The following FHAD1 variants were observed in gnomAD, a reference collection of about 807,000 sequenced individuals.
FHAD1 encodes the protein forkhead associated phosphopeptide binding domain 1.
Under a neutral mutation model 191.3 loss-of-function variants are expected in FHAD1, and 146 were observed. The ratio of observed to expected loss-of-function variants is 0.76; its 90% CI spans 0.67 to 0.88. The LOEUF is 0.88. Among genes scored for constraint, FHAD1 ranks in the 40% least tolerant of loss-of-function variants. FHAD1 has a pLI of 0.00. For synonymous variants in FHAD1, 616 were observed against 672.3 expected (o/e 0.92, Z 1.29); for missense variants, 1,635 against 1,785.8 (o/e 0.92, Z 1.52).
At chr1:15,302,282 C>A (rs1011869344) in intron 6 of FHAD1, among the ~76,000 whole-genome samples, 3 of 152,164 alleles carry the variant, frequency 2.0e-5, no homozygotes, top group African/African-American at 7.2e-5. Flanking sequence ...AACACAGAGG[C>A]CTTTACCAAA....
intron 19 of FHAD1, among the ~76,000 whole-genome samples, chr1:15,350,273 C>G (rs1314706322): frequency 1.3e-5 from 2 of 152,254 alleles, no homozygotes; most frequent in Non-Finnish European, 2.9e-5. Flanking sequence ...AGACAGACAG[C>G]CTGCGGAAGC....
intron 31 of FHAD1, among the ~76,000 whole-genome samples, chr1:15,384,978 C>T (rs1701769536): frequency 6.6e-6 from 1 of 152,130 alleles, no homozygotes; most frequent in African/African-American, 2.4e-5. Flanking sequence ...CCAGCCCATC[C>T]ACTCATCCCC....
intron 11 of FHAD1, chr1:15,326,305 C>G (rs546431358): frequency 2.6e-5 from 4 of 152,302 alleles, no homozygotes; most frequent in Admixed American, 2.6e-4. Context: ...CAGAGAAAGT[C>G]GGGCTCCTTT....
Position 15,272,608 on chromosome 1 carries a change from C to G in FHAD1, c.300+79C>G. ...GCGCTCGGATGCAGCTGCAGGGTGG[C>G]GCTTATCCACATTGGTGCCACTGTG... On this transcript the variant is annotated intron_variant, in intron 3 of 33. Coordinates refer to ENST00000688493, the MANE Select transcript of FHAD1 (RefSeq NM_001391957.1). 2.3e-6 allele frequency: 3 copies of G among 1,300,990 alleles called. 1 individual carries two copies. Among genetic ancestry groups the G allele is most frequent in the Non-Finnish European group, 3.2e-6 (3 of 939,410 alleles). 80.6% of individuals were successfully genotyped at this position (1,300,990 alleles called of 1,614,324 possible).
Position 15,349,058 on chromosome 1 carries a change from T to C in FHAD1, c.2363T>C (p.Ile788Thr), listed in dbSNP as rs567384167. 6.4e-7 allele frequency: 1 copy of C among 1,550,822 alleles called. No individual in the cohort carries two copies. Among genetic ancestry groups the C allele is most frequent in the South Asian group, 1.2e-5 (1 of 83,986 alleles). ...ARQKEVLESS[I>T]AHEKRKAKEA... is the part of the protein sequence containing the mutation. The stretch of plus-strand genomic sequence containing the variant: ...GATTTTCAGGTTTTGGAGAGCAGCA[T>C]AGCCCATGAAAAAAGAAAAGCAAAG... Residue 788 changes from isoleucine (I) to threonine (T), a missense_variant, in exon 19 of 34, where the codon ATA (isoleucine) becomes ACA (threonine). By Grantham distance (89) the Ile-to-Thr change is moderately conservative. Transcript: ENST00000688493.
chr1:15,378,181 G>A (rs776376154), intron 28 of FHAD1, among the ~76,000 whole-genome samples: 2 of 152,128 alleles, frequency 1.3e-5, no homozygotes, highest in African/African-American at 2.4e-5. Context: ...GTGCACATCC[G>A]TGCTCAGGCA....
chr1:15,323,549 C>G (rs983295232), intron 10 of FHAD1, among the ~76,000 whole-genome samples: 2 of 152,188 alleles, frequency 1.3e-5, no homozygotes, highest in Non-Finnish European at 2.9e-5. Flanking sequence ...ATCTGTGTGA[C>G]CCCTCTCTAG....
At chr1:15,251,965 T>G in intron 2 of FHAD1, 88 bp downstream of exon 2, 1 of 1,085,060 alleles carries the variant, frequency 9.2e-7, no homozygotes, top group Non-Finnish European at 1.3e-6. Context: ...TGGACTCCAG[T>G]CTCTTGTACA....
At chr1:15,386,669 G>T (rs1286916738) in intron 31 of FHAD1, among the ~76,000 whole-genome samples, 1 of 152,174 alleles carries the variant, frequency 6.6e-6, no homozygotes. Context: ...GGTCTCAGCT[G>T]GGCTGGAGCC....
intron 25 of FHAD1, among the ~76,000 whole-genome samples, chr1:15,368,380 A>G (rs1471531764): frequency 6.6e-6 from 1 of 152,332 alleles, no homozygotes; most frequent in East Asian, 1.9e-4. Flanking sequence ...ATATTTATTT[A>G]ACAAATGAAT....
intron 10 of FHAD1, among the ~76,000 whole-genome samples, chr1:15,321,939 C>T (rs1462349446): frequency 6.6e-6 from 1 of 152,262 alleles, no homozygotes; most frequent in Non-Finnish European, 1.5e-5. Context: ...CAGCACATTA[C>T]AGATGACAGT....
At chr1:15,288,746 C>T (rs1210255528) in intron 3 of FHAD1, among the ~76,000 whole-genome samples, 1 of 152,226 alleles carries the variant, frequency 6.6e-6, no homozygotes, top group Non-Finnish European at 1.5e-5. Context: ...AATACCACGT[C>T]TGTGGGTGTT....
At chr1:15,358,622 C>G (rs535739989) in intron 21 of FHAD1, among the ~76,000 whole-genome samples, 8 of 152,300 alleles carry the variant, frequency 5.3e-5, no homozygotes, top group Non-Finnish European at 7.3e-5. Context: ...GCACGGTGTT[C>G]TGAGATGTTG....
chr1:15,347,855 C>T (rs1016264536), intron 18 of FHAD1, among the ~76,000 whole-genome samples: 1 of 152,192 alleles, frequency 6.6e-6, no homozygotes, highest in African/African-American at 2.4e-5. Context: ...AGTTAATCCC[C>T]ATTATCTGTT....
intron 18 of FHAD1, among the ~76,000 whole-genome samples, chr1:15,347,631 T>C (rs74827404): frequency 0.041 from 6,250 of 152,302 alleles, 380 homozygotes; most frequent in African/African-American, 0.14. Context: ...GTATTTCTAG[T>C]ACAGACGGGG....
At chr1:15,345,212 A>G in intron 17 of FHAD1, 22 bp downstream of exon 17, 1 of 1,535,434 alleles carries the variant, frequency 6.5e-7, no homozygotes, top group Non-Finnish European at 8.8e-7. Flanking sequence ...AGGGAGACAG[A>G]GTCAGCTCGA....
Position 15,397,305 on chromosome 1 carries a change from C to G in FHAD1, c.4332C>G (p.Thr1444=). ...TCTCTTGCTTGTTAAAGGTTGGAAC[C>G]AGAAAAGCCTCCCTAAAGATGGACC... ...RMQNSNSQVG[T]RKASLKMDQE... Residue 1444 remains threonine (T), a synonymous_variant, in exon 34 of 34, where the codon ACC becomes ACG. Coordinates refer to ENST00000688493, the MANE Select transcript of FHAD1 (RefSeq NM_001391957.1). 6.6e-7 allele frequency: 1 copy of G among 1,521,598 alleles called. No individual in the cohort carries two copies. Among genetic ancestry groups the G allele is most frequent in the Non-Finnish European group, 8.9e-7 (1 of 1,126,996 alleles). The allele number at this position is 1,521,598 out of a possible 1,614,324, so 94.3% of individuals were successfully genotyped here. A position where few individuals can be genotyped will look rare whatever the true frequency, so the allele number is the denominator to read the frequency against.
intron 10 of FHAD1, among the ~76,000 whole-genome samples, chr1:15,319,055 G>C (rs7534349): frequency 0.45 from 68,791 of 151,458 alleles, 16,506 homozygotes; most frequent in African/African-American, 0.6. Context: ...GTCTTGAACT[G>C]CTGGCCTCAA....
In FHAD1 at chr1:15,357,620, C is replaced by T. The variant is rs191534519; in HGVS notation, c.2563-490C>T. 4.3e-3 allele frequency among the ~76,000 whole-genome samples: 539 copies of T among 125,504 alleles called. 5 individuals carry two copies. The highest frequency in any genetic ancestry group is 0.017 in the African/African-American group (522 of 30,148). 82.3% of individuals were successfully genotyped at this position (125,504 alleles called of 152,430 possible). On this transcript the variant is annotated intron_variant, in intron 20 of 33. Coordinates refer to ENST00000688493, the MANE Select transcript of FHAD1 (RefSeq NM_001391957.1). ...CCCAGGTGACAATGCGAGACTCCTC[C>T]GTCTCAAAAAAAAAAAAAAAAAAAA...
Sources: allele counts gnomAD v4.1 joint callset (sites outside exome capture counted in the v4.1 genomes callset), GRCh38; gene constraint gnomAD v4.1.1; transcripts MANE v1.5; gene names NCBI Gene and HGNC (gene_info 2026-07-23, HGNC 2026-07-21).